PRKCB: variants seen among roughly 807,000 people sequenced by gnomAD.
The protein encoded by PRKCB is protein kinase C beta, also known as protein kinase C beta type.
PRKCB carries 13 observed loss-of-function variants against 81.5 expected under a neutral mutation model. That is an observed-to-expected ratio of 0.16 (90% CI 0.10 to 0.25). The LOEUF is 0.25. PRKCB is among the 10% of genes least tolerant of loss of function. The probability of loss-of-function intolerance (pLI) is 1.00; values close to 1 mark genes in which losing one functional copy is unlikely to be tolerated. For synonymous variants in PRKCB, 335 were observed against 321.4 expected, an observed-to-expected ratio of 1.04 and a Z score of -0.45; for missense variants, 509 against 875.7, an observed-to-expected ratio of 0.58 and a Z score of 5.29.
At chr16:23,946,751 C>G (rs570931894) in intron 2 of PRKCB, among the ~76,000 whole-genome samples, 1 of 152,222 alleles carries the variant, frequency 6.6e-6, no homozygotes, top group East Asian at 1.9e-4. Flanking sequence ...TCCAGTAGGT[C>G]TGGGGAGGGG....
intron 2 of PRKCB, among the ~76,000 whole-genome samples, chr16:23,972,935 A>G (rs2340988): frequency 6.6e-6 from 1 of 151,980 alleles, no homozygotes; most frequent in Non-Finnish European, 1.5e-5. Flanking sequence ...GCTAATATTT[A>G]TGATGAGCTA....
intron 4 of PRKCB, among the ~76,000 whole-genome samples, chr16:24,035,158 G>A (rs1341154861): frequency 3.3e-5 from 5 of 152,176 alleles, no homozygotes; most frequent in African/African-American, 1.2e-4. Context: ...TGTGGGGTGT[G>A]CTTGCTTCAG....
At chr16:23,975,861 GA>G (rs1964618235) in intron 2 of PRKCB, among the ~76,000 whole-genome samples, 1 of 149,984 alleles carries the variant, frequency 6.7e-6, no homozygotes, top group African/African-American at 2.4e-5. Flanking sequence ...GGTCACAAGA[GA>G]CAAAAAAAAC....
chr16:24,159,365 T>A (rs1967219919), intron 10 of PRKCB, among the ~76,000 whole-genome samples: 1 of 152,202 alleles, frequency 6.6e-6, no homozygotes, highest in Non-Finnish European at 1.5e-5. Flanking sequence ...TACATCATGT[T>A]GAGTTGCCAC....
At chr16:23,961,097 T>C (rs1019067800) in intron 2 of PRKCB, among the ~76,000 whole-genome samples, 2 of 152,182 alleles carry the variant, frequency 1.3e-5, no homozygotes, top group African/African-American at 2.4e-5. Context: ...TTTTAAGAAA[T>C]GAGGTCTCAT....
At chr16:24,157,060 T>A (rs1967171923) in intron 10 of PRKCB, among the ~76,000 whole-genome samples, 1 of 152,204 alleles carries the variant, frequency 6.6e-6, no homozygotes, top group South Asian at 2.1e-4. Flanking sequence ...AGAGTAGATT[T>A]GAGATTATTC....
chr16:24,068,257 G>C (rs191362032), intron 5 of PRKCB, among the ~76,000 whole-genome samples: 5 of 152,104 alleles, frequency 3.3e-5, no homozygotes, highest in Non-Finnish European at 7.4e-5. Flanking sequence ...GATTGGTAGA[G>C]ACTCAAGAGA....
intron 2 of PRKCB, among the ~76,000 whole-genome samples, chr16:23,951,006 C>T (rs567547460): frequency 2.6e-4 from 40 of 152,240 alleles, no homozygotes; most frequent in East Asian, 1.4e-3. Flanking sequence ...GTTATCCTGC[C>T]GGCAGTCATC....
rs973538891 is a variant in PRKCB at position 23,907,181 on chromosome 16, T to A, written c.205+69775T>A. On this transcript the variant is annotated intron_variant, in intron 2 of 16. Coordinates refer to ENST00000643927, the MANE Select transcript of PRKCB (RefSeq NM_002738.7). Reference sequence around the variant, plus strand: ...ACACCAGTATTAACTTCACCCTGATTTGTAACAATCAAAAATGTCTCCAAA... The same window carrying A: ...ACACCAGTATTAACTTCACCCTGATATGTAACAATCAAAAATGTCTCCAAA... Among the ~76,000 whole-genome samples, 4 of 152,334 alleles carry A rather than the reference T, an allele frequency of 2.6e-5. No homozygotes were observed. In the East Asian group the frequency reaches 7.7e-4, roughly 29 times the overall value.
intron 16 of PRKCB, among the ~76,000 whole-genome samples, chr16:24,196,665 C>T (rs747535628): frequency 2.6e-5 from 4 of 152,150 alleles, no homozygotes; most frequent in African/African-American, 7.2e-5. Context: ...AGCCAGTCTG[C>T]GGTGGGGTTT....
intron 2 of PRKCB, among the ~76,000 whole-genome samples, chr16:23,865,545 GTGTGTGTGTGTGTGTGTGTGTGTGTA>G (rs1240786024): frequency 0.016 from 1,072 of 68,056 alleles, 91 homozygotes; most frequent in South Asian, 0.057. Flanking sequence ...GTGTGTGTGT[GTGTGTGTGTGTGTGTGTGTGTGTGTA>G]TATGTATATT....
chr16:24,003,008 T>A (rs969572234), intron 3 of PRKCB, among the ~76,000 whole-genome samples: 1 of 152,084 alleles, frequency 6.6e-6, no homozygotes, highest in Non-Finnish European at 1.5e-5. Flanking sequence ...CAGTATTTAT[T>A]ATGGAGTCAT....
At position 24,214,904 on chromosome 16, in the gene PRKCB, T is replaced by C; in HGVS notation, c.*88T>C. On this transcript the variant is annotated 3_prime_UTR_variant, in exon 17 of 17. Transcript: ENST00000643927. Reference sequence around the variant, plus strand: ...ATTTTTATGTTTTTCATTGCCAAGTTGCATCCATGTTTGATTTTCTGATGA... The same window carrying C: ...ATTTTTATGTTTTTCATTGCCAAGTCGCATCCATGTTTGATTTTCTGATGA... 2 of 1,558,582 alleles carry C rather than the reference T, an allele frequency of 1.3e-6. No homozygotes were observed. Among genetic ancestry groups the C allele is most frequent in the Admixed American group, 3.6e-5 (2 of 56,082 alleles).
At chr16:23,865,478 T>C (rs1962759104) in intron 2 of PRKCB, among the ~76,000 whole-genome samples, 4 of 2,912 alleles carry the variant, frequency 1.4e-3, no homozygotes, top group Non-Finnish European at 2.0e-3. Context: ...TATATATATA[T>C]ATATATATAT....
At chr16:24,086,542 G>A (rs1030198262) in intron 5 of PRKCB, among the ~76,000 whole-genome samples, 7 of 152,272 alleles carry the variant, frequency 4.6e-5, no homozygotes, top group Admixed American at 1.3e-4. Flanking sequence ...GTATCACCCT[G>A]CGGATCCAAT....
At chr16:23,932,394 G>A (rs977000160) in intron 2 of PRKCB, among the ~76,000 whole-genome samples, 3 of 152,288 alleles carry the variant, frequency 2.0e-5, no homozygotes, top group African/African-American at 2.4e-5. Flanking sequence ...AAAACTAAGC[G>A]ATGCTAGGTG....
intron 3 of PRKCB, among the ~76,000 whole-genome samples, chr16:24,021,334 CCTT>C (rs1965396553): frequency 1.5e-5 from 1 of 66,906 alleles, no homozygotes; most frequent in Non-Finnish European, 2.7e-5. Context: ...TTCCTTCCTT[CCTT>C]CCTTCCTTCC....
intron 2 of PRKCB, among the ~76,000 whole-genome samples, chr16:23,964,769 A>G (rs928991396): frequency 2.7e-5 from 4 of 150,704 alleles, no homozygotes; most frequent in Non-Finnish European, 5.9e-5. Flanking sequence ...CCTGGGGTTC[A>G]AGTGATTCTC....
intron 2 of PRKCB, among the ~76,000 whole-genome samples, chr16:23,853,520 A>G (rs760861842): frequency 7.9e-4 from 121 of 152,254 alleles, no homozygotes; most frequent in Non-Finnish European, 1.1e-3. Context: ...CTCTATGTCC[A>G]GGAGGAAAAG....
Sources: allele counts gnomAD v4.1 joint callset (sites outside exome capture counted in the v4.1 genomes callset), GRCh38; gene constraint gnomAD v4.1.1; transcripts MANE v1.5; gene names NCBI Gene and HGNC (gene_info 2026-07-23, HGNC 2026-07-21).